GANC: variants seen among roughly 807,000 people sequenced by gnomAD.
GANC encodes glucosidase alpha, neutral C.
In GANC, 117 loss-of-function variants were observed where a neutral mutation model predicts 124.2. The observed-to-expected ratio is 0.94, with a 90% confidence interval of 0.81 to 1.10. The LOEUF (loss-of-function observed/expected upper bound fraction) is 1.10, where lower values mean the gene tolerates loss of function less well. GANC is among the 50% of genes least tolerant of loss of function. The pLI is 0.00. For missense variants in GANC, 1,140 were observed against 1,095.0 expected, an observed-to-expected ratio of 1.04 and a Z score of -0.58; for synonymous variants, 377 against 376.8, an observed-to-expected ratio of 1.00 and a Z score of -0.01.
chr15:42,322,620 A>G (rs574407104), intron 11 of GANC, among the ~76,000 whole-genome samples: 1 of 152,188 alleles, frequency 6.6e-6, no homozygotes, highest in African/African-American at 2.4e-5. Flanking sequence ...GTAAGGGGGG[A>G]GTAGCAGGGC....
chr15:42,319,142 GCT>G (rs988286582), intron 10 of GANC, among the ~76,000 whole-genome samples: 2 of 151,744 alleles, frequency 1.3e-5, no homozygotes, highest in Admixed American at 6.6e-5. Context: ...CTTTCAAGGA[GCT>G]CTTTCTTATC....
At chr15:42,343,486 G>A (rs73402707) in intron 19 of GANC, 21,253 of 231,624 alleles carry the variant, frequency 0.092, 1,447 homozygotes, top group Admixed American at 0.2. Flanking sequence ...CAAACTCTGG[G>A]GGAAAGCAGA....
At chr15:42,282,559 T>G (rs1447403830) in intron 3 of GANC, among the ~76,000 whole-genome samples, 2 of 152,190 alleles carry the variant, frequency 1.3e-5, no homozygotes, top group East Asian at 1.9e-4. Context: ...ATTACACTGA[T>G]CAGGCAGATT....
At chr15:42,322,077 AGACTT>A in intron 11 of GANC, 57 bp downstream of exon 11, 1 of 1,443,698 alleles carries the variant, frequency 6.9e-7, no homozygotes, top group African/African-American at 1.4e-5. Flanking sequence ...AAAATGTTTT[AGACTT>A]GCCTTGGCAC....
At chr15:42,351,622 T>C (rs2052439046) in intron 23 of GANC, among the ~76,000 whole-genome samples, 190 bp downstream of exon 23, 1 of 152,220 alleles carries the variant, frequency 6.6e-6, no homozygotes, top group Non-Finnish European at 1.5e-5. Flanking sequence ...ATCTTTCTGC[T>C]CACTTTTAAT....
At chr15:42,329,247 A>C (rs111619865) in intron 13 of GANC, 59 bp from the exon 14 acceptor site, 8 of 1,514,104 alleles carry the variant, frequency 5.3e-6, no homozygotes, top group Non-Finnish European at 7.1e-6. Context: ...AGCAATGGTG[A>C]CAGCTATTAT....
In GANC at chr15:42,273,815, A is replaced by G. The variant is rs1021208651; in HGVS notation, c.-667A>G. ...GGAAAAGCCCTAAGCCTGGCTGCCCAAGTGGCGTCTAGTAGTGAGTTCTCC... is the reference window on the plus strand; with the variant it reads ...GGAAAAGCCCTAAGCCTGGCTGCCCGAGTGGCGTCTAGTAGTGAGTTCTCC... On this transcript the variant is annotated 5_prime_UTR_variant, in exon 1 of 24. Coordinates refer to ENST00000318010, the MANE Select transcript of GANC (RefSeq NM_198141.3). The G allele has an allele frequency of 1.4e-5, 3 of 212,678 alleles. No homozygotes were observed. Among genetic ancestry groups the G allele is most frequent in the Non-Finnish European group, 2.9e-5 (3 of 102,614 alleles). 13.2% of individuals were successfully genotyped at this position (212,678 alleles called of 1,614,324 possible).
intron 17 of GANC, 102 bp from the exon 18 acceptor site, chr15:42,340,588 A>G: frequency 2.3e-6 from 2 of 887,410 alleles, no homozygotes; most frequent in Non-Finnish European, 3.4e-6. Flanking sequence ...TGGGCAACAA[A>G]GTGAGATCCA....
intron 4 of GANC, among the ~76,000 whole-genome samples, chr15:42,289,405 G>T (rs929205021): frequency 2.0e-5 from 3 of 152,272 alleles, no homozygotes; most frequent in Non-Finnish European, 4.4e-5. Flanking sequence ...TTCTAGCTAA[G>T]ATAGAAGGTC....
chr15:42,286,989 A>G (rs1173430667), intron 3 of GANC, among the ~76,000 whole-genome samples: 1 of 152,148 alleles, frequency 6.6e-6, no homozygotes, highest in Non-Finnish European at 1.5e-5. Flanking sequence ...GAGTCCTGTC[A>G]TTTCTGTTCT....
rs1288758242 is a variant in GANC at position 42,338,479 on chromosome 15, CTT to C, written c.1836_1837del (p.Phe612LeufsTer4). 9 of 1,612,002 alleles carry C rather than the reference CTT, an allele frequency of 5.6e-6. No individual in the cohort carries two copies. The highest frequency in any genetic ancestry group is 7.6e-6 in the Non-Finnish European group (9 of 1,178,184). On this transcript the variant is annotated frameshift_variant, in exon 16 of 24. Transcript: ENST00000318010. LOFTEE classifies it high-confidence loss of function. ...CTCACTCTCAGCATTACTGGGATCT[CTT>C]TTTGCGGAGGTAAGATGAGTCCTTT...
At chr15:42,289,650 G>A (rs2051822954) in intron 4 of GANC, among the ~76,000 whole-genome samples, 1 of 152,304 alleles carries the variant, frequency 6.6e-6, no homozygotes, top group East Asian at 1.9e-4. Context: ...AAGGATGGGA[G>A]TATGAGATTG....
At chr15:42,292,974 A>G in intron 5 of GANC, 57 bp downstream of exon 5, 3 of 1,495,150 alleles carry the variant, frequency 2.0e-6, no homozygotes, top group Non-Finnish European at 2.8e-6. Context: ...GTTAATGAAT[A>G]TCAGTTGCCT....
intron 6 of GANC, among the ~76,000 whole-genome samples, chr15:42,304,072 G>A (rs923697962): frequency 6.6e-5 from 10 of 152,188 alleles, no homozygotes; most frequent in Middle Eastern, 3.4e-3. Flanking sequence ...GCACCGCATC[G>A]CACTTACTCT....
At chr15:42,341,775 G>A (rs1200985141) in intron 18 of GANC, among the ~76,000 whole-genome samples, 2 of 152,062 alleles carry the variant, frequency 1.3e-5, no homozygotes, top group African/African-American at 2.4e-5. Context: ...TGCTGCCCAG[G>A]CTAATCTTGA....
intron 11 of GANC, among the ~76,000 whole-genome samples, chr15:42,326,044 C>T (rs962455399): frequency 3.3e-5 from 5 of 152,196 alleles, no homozygotes; most frequent in Non-Finnish European, 5.9e-5. Flanking sequence ...AGGTGTGAGC[C>T]GCTGTGCCTG....
Position 42,303,342 on chromosome 15 carries a change from G to A in GANC, c.559-3204G>A, listed in dbSNP as rs148088373. 1.4e-3 allele frequency among the ~76,000 whole-genome samples: 220 copies of A among 152,206 alleles called. 2 individuals are homozygous for A. The highest frequency in any genetic ancestry group is 4.5e-3 in the African/African-American group (187 of 41,530). ...TCACCACCAGGCCTGCCTTGCAAGA[G>A]GTCCTGAAGGAAGCACTAAATATGG... On this transcript the variant is annotated intron_variant, in intron 6 of 23. Transcript: ENST00000318010.
chr15:42,278,539 C>T lies in GANC; in HGVS notation c.150C>T (p.Val50=). The part of the protein sequence containing the change: ...KSTYQALLDS[V]TTDEDSTRFQ... Reference sequence around the variant, plus strand: ...CCTATCAGGCATTATTGGATTCAGTCACAACAGATGAAGACAGCACCAGGT... The same window carrying T: ...CCTATCAGGCATTATTGGATTCAGTTACAACAGATGAAGACAGCACCAGGT... The change falls in exon 3 of 24, where the codon GTC becomes GTT. Residue 50 remains valine (V), a synonymous_variant. Coordinates refer to ENST00000318010, the MANE Select transcript of GANC (RefSeq NM_198141.3). 6.2e-7 allele frequency: 1 copy of T among 1,613,018 alleles called. No individual in the cohort carries two copies. The highest frequency in any genetic ancestry group is 1.7e-4 in the Middle Eastern group (1 of 6,056).
chr15:42,333,023 A>AGTAT (rs1566959663), intron 15 of GANC, among the ~76,000 whole-genome samples: 1 of 140,412 alleles, frequency 7.1e-6, no homozygotes, highest in Non-Finnish European at 1.5e-5. Context: ...TGTCTCAAAA[A>AGTAT]ATATATATAT....
Sources: gnomAD v4.1 joint callset for allele counts (sites outside exome capture counted in the v4.1 genomes callset) on GRCh38, gnomAD v4.1.1 for gene constraint, MANE v1.5 for transcripts, NCBI Gene and HGNC (gene_info 2026-07-23, HGNC 2026-07-21) for gene names.